Variants in LAMC1 observed in about 807,000 individuals in gnomAD.
LAMC1 encodes laminin subunit gamma-1.
Under a neutral mutation model 173.6 loss-of-function variants are expected in LAMC1, and 38 were observed. The ratio of observed to expected loss-of-function variants is 0.22; its 90% CI spans 0.17 to 0.29. LAMC1 has a LOEUF of 0.29. LAMC1 is among the 10% of genes least tolerant of loss of function. The pLI, the probability that LAMC1 is intolerant of heterozygous loss-of-function variation, is 1.00. For synonymous variants in LAMC1, 746 were observed against 749.1 expected (o/e 1.00, Z 0.07); for missense variants, 1,824 against 2,051.8 (o/e 0.89, Z 2.14).
chr1:183,025,160 C>T (rs547273783), intron 1 of LAMC1, among the ~76,000 whole-genome samples: 1 of 152,244 alleles, frequency 6.6e-6, no homozygotes, highest in South Asian at 2.1e-4. Context: ...AGAGAACAGA[C>T]TGCCTCAAGC....
intron 2 of LAMC1, among the ~76,000 whole-genome samples, chr1:183,106,337 A>G (rs982201629): frequency 2.0e-5 from 3 of 152,236 alleles, no homozygotes; most frequent in Middle Eastern, 3.2e-3. Context: ...AAAGATTCCT[A>G]CTGTTGTGGC....
At chr1:183,027,626 G>A (rs1653723558) in intron 1 of LAMC1, among the ~76,000 whole-genome samples, 1 of 152,166 alleles carries the variant, frequency 6.6e-6, no homozygotes, top group African/African-American at 2.4e-5. Flanking sequence ...AATTAACACT[G>A]AAACCAGATT....
chr1:183,126,803 T>C (rs1053707721), intron 16 of LAMC1, among the ~76,000 whole-genome samples: 3 of 152,230 alleles, frequency 2.0e-5, no homozygotes, highest in South Asian at 4.1e-4. Context: ...GCATAAGTAA[T>C]TGACTCAGTT....
chr1:183,103,101 C>T (rs1655875474), intron 1 of LAMC1, among the ~76,000 whole-genome samples: 1 of 152,188 alleles, frequency 6.6e-6, no homozygotes, highest in Non-Finnish European at 1.5e-5. Context: ...AACATTTCCA[C>T]AATGCACATC....
chr1:183,114,380 T>C (rs1183266065), intron 4 of LAMC1, 151 bp from the exon 5 acceptor site: 4 of 807,408 alleles, frequency 5.0e-6, no homozygotes, highest in Middle Eastern at 2.5e-4. Context: ...CTTCTTGTTG[T>C]TGTTAATGAA....
intron 1 of LAMC1, among the ~76,000 whole-genome samples, chr1:183,036,389 C>A (rs1489341024): frequency 6.7e-6 from 1 of 148,282 alleles, no homozygotes; most frequent in Non-Finnish European, 1.5e-5. Flanking sequence ...TGAGCCACCA[C>A]GCCAGTCTTT....
At chr1:183,067,381 C>A (rs1445744642) in intron 1 of LAMC1, among the ~76,000 whole-genome samples, 1 of 152,160 alleles carries the variant, frequency 6.6e-6, no homozygotes, top group Non-Finnish European at 1.5e-5. Flanking sequence ...GTTGACCACA[C>A]AACTGCAAAT....
chr1:183,079,233 T>C (rs61117885), intron 1 of LAMC1, among the ~76,000 whole-genome samples: 1 of 4,794 alleles, frequency 2.1e-4, no homozygotes, highest in East Asian at 9.6e-3. Context: ...TCTAATCTGG[T>C]TTTTTTTTTT....
chr1:183,102,109 C>T (rs1179079165), intron 1 of LAMC1, among the ~76,000 whole-genome samples: 3 of 152,132 alleles, frequency 2.0e-5, no homozygotes, highest in African/African-American at 7.2e-5. Flanking sequence ...AGGGGGACTC[C>T]AGCCGGCAGC....
intron 18 of LAMC1, 48 bp downstream of exon 18, chr1:183,128,798 T>C: frequency 6.9e-7 from 1 of 1,441,444 alleles, no homozygotes; most frequent in African/African-American, 1.4e-5. Flanking sequence ...GGACCAATCT[T>C]TAGATGTGGC....
At position 183,125,530 on chromosome 1, in the gene LAMC1, G is replaced by A. The variant is rs1460102966; in HGVS notation, c.2781G>A (p.Gln927=). ...GACDPGFYNL[Q]SGQGCERCDC... ...GTGACCCTGGATTCTACAATCTGCA[G>A]AGTGGGCAAGGCTGTGAGAGGTGAG... The change falls in exon 15 of 28, where the codon CAG becomes CAA. Residue 927 remains glutamine, a synonymous_variant. Transcript: ENST00000258341. 1 of 1,608,818 alleles carries A rather than the reference G, an allele frequency of 6.2e-7. No homozygotes were observed. Among genetic ancestry groups the A allele is most frequent in the South Asian group, 1.1e-5 (1 of 90,272 alleles).
intron 11 of LAMC1, among the ~76,000 whole-genome samples, chr1:183,121,341 GCTTGAA>G (rs756470091): frequency 3.9e-5 from 6 of 152,144 alleles, no homozygotes; most frequent in Non-Finnish European, 8.8e-5. Context: ...CAGGAGAATT[GCTTGAA>G]CCCAGGAGGC....
chr1:183,040,558 G>A (rs1415274963), intron 1 of LAMC1, among the ~76,000 whole-genome samples: 1 of 151,976 alleles, frequency 6.6e-6, no homozygotes, highest in Non-Finnish European at 1.5e-5. Flanking sequence ...TAGAAGTGGA[G>A]GGAAAAAAAA....
At chr1:183,089,029 T>C (rs755266790) in intron 1 of LAMC1, among the ~76,000 whole-genome samples, 2 of 152,172 alleles carry the variant, frequency 1.3e-5, no homozygotes, top group African/African-American at 4.8e-5. Flanking sequence ...GATAATGATA[T>C]AGGGTGGGTT....
intron 1 of LAMC1, among the ~76,000 whole-genome samples, chr1:183,028,958 C>T (rs546541875): frequency 6.6e-6 from 1 of 152,322 alleles, no homozygotes; most frequent in African/African-American, 2.4e-5. Context: ...ACTAAATTCA[C>T]TCCTTGTTGT....
At chr1:183,101,449 A>G (rs1655831812) in intron 1 of LAMC1, among the ~76,000 whole-genome samples, 1 of 150,966 alleles carries the variant, frequency 6.6e-6, no homozygotes, top group Admixed American at 6.6e-5. Context: ...ACTGCATCCT[A>G]GATAGAATAT....
Position 183,122,259 on chromosome 1 carries a change from T to C in LAMC1, c.2401+8T>C. 6.2e-7 allele frequency: 1 copy of C among 1,613,142 alleles called. No homozygotes were observed. Among genetic ancestry groups the C allele is most frequent in the African/African-American group, 1.3e-5 (1 of 75,022 alleles). ...GTCCTACTGGCACCACTGGTAAGTC[T>C]GCTCGCTTCATCTGCTTTCAGTGTT... On this transcript the variant is annotated splice_region_variant and intron_variant, in intron 13 of 27. Transcript: ENST00000258341.
intron 1 of LAMC1, among the ~76,000 whole-genome samples, chr1:183,056,089 T>A (rs983092057): frequency 6.6e-6 from 1 of 152,242 alleles, no homozygotes; most frequent in Non-Finnish European, 1.5e-5. Context: ...CCTCTGCTGC[T>A]GCCCAGTGCT....
intron 1 of LAMC1, among the ~76,000 whole-genome samples, chr1:183,051,040 A>T (rs564205371): frequency 0.024 from 3,678 of 151,828 alleles, 147 homozygotes; most frequent in African/African-American, 0.084. Context: ...CTTTCAAATT[A>T]TTTTTTTATC....
Sources: allele counts gnomAD v4.1 joint callset (sites outside exome capture counted in the v4.1 genomes callset), GRCh38; gene constraint gnomAD v4.1.1; transcripts MANE v1.5; gene names NCBI Gene and HGNC (gene_info 2026-07-23, HGNC 2026-07-21).